NCKAP5: variants seen among roughly 807,000 people sequenced by gnomAD.
NCKAP5 encodes the protein nck-associated protein 5.
A neutral mutation model predicts 167.0 loss-of-function variants in NCKAP5; 92 were observed. The observed-to-expected ratio is 0.55, with a 90% CI of 0.47 to 0.66. The LOEUF (loss-of-function observed/expected upper bound fraction) is 0.66, where lower values mean the gene tolerates loss of function less well. Ranked by LOEUF, NCKAP5 falls within the 30% of genes least tolerant of loss-of-function variation. The pLI, the probability that NCKAP5 is intolerant of heterozygous loss-of-function variation, is 0.00. For missense variants in NCKAP5, 2,378 were observed against 2,315.0 expected (o/e 1.03, Z -0.56); for synonymous variants, 891 against 877.4 (o/e 1.02, Z -0.27).
chr2:133,045,089 G>A (rs549997207), intron 6 of NCKAP5, among the ~76,000 whole-genome samples: 1 of 151,436 alleles, frequency 6.6e-6, no homozygotes, highest in South Asian at 2.1e-4. Context: ...GAAAAAAAAA[G>A]AGGAGAGATA....
intron 5 of NCKAP5, among the ~76,000 whole-genome samples, chr2:133,191,288 G>T (rs868808365): frequency 8.4e-4 from 128 of 152,292 alleles, no homozygotes; most frequent in African/African-American, 2.8e-3. Flanking sequence ...TGCTGGAGAG[G>T]ATGTGGAGAA....
In NCKAP5 at chr2:132,695,033, A is replaced by G. The variant is rs1037128182; in HGVS notation, c.5714-21728T>C. 1.8e-4 allele frequency among the ~76,000 whole-genome samples: 27 copies of G among 152,300 alleles called. No homozygotes were observed. In the South Asian group the frequency reaches 2.9e-3, roughly 16 times the overall value. ...ACCTGCCTTCTGGCTATGTCTTCAC[A>G]TGGTAGAAGGAAGGAGTGAATGAGC... On this transcript the variant is annotated intron_variant, in intron 19 of 19. Transcript: ENST00000409261.
chr2:133,667,049 G>A, the NCKAP5 span, among the ~76,000 whole-genome samples: 1 of 152,008 alleles, frequency 6.6e-6, no homozygotes, highest in African/African-American at 2.4e-5. Flanking sequence ...CTTCTTCATA[G>A]TTTCTTGAAA....
chr2:133,074,121 G>T (rs2080513851), intron 6 of NCKAP5, among the ~76,000 whole-genome samples: 1 of 152,138 alleles, frequency 6.6e-6, no homozygotes, highest in Non-Finnish European at 1.5e-5. Flanking sequence ...CTCAGTTTGT[G>T]TGTATTCCTT....
At chr2:132,848,841 T>A (rs768255091) in intron 11 of NCKAP5, among the ~76,000 whole-genome samples, 2 of 152,000 alleles carry the variant, frequency 1.3e-5, no homozygotes, top group Admixed American at 6.6e-5. Context: ...CTCCAAAAGA[T>A]ACAATAAAAT....
chr2:133,238,813 C>A (rs1426338849), intron 4 of NCKAP5, among the ~76,000 whole-genome samples: 3 of 152,190 alleles, frequency 2.0e-5, no homozygotes, highest in Admixed American at 6.5e-5. Context: ...CTTCCAGTTC[C>A]TCTACCACAT....
intron 3 of NCKAP5, among the ~76,000 whole-genome samples, chr2:133,356,237 T>TTAAGAAGTGAAA: frequency 6.6e-6 from 1 of 152,182 alleles, no homozygotes; most frequent in Non-Finnish European, 1.5e-5. Context: ...AGAAGCAGTG[T>TTAAGAAGTGAAA]TCTTATATCT....
At chr2:133,647,797 G>C in the NCKAP5 span, among the ~76,000 whole-genome samples, 6 of 151,476 alleles carry the variant, frequency 4.0e-5, no homozygotes, top group African/African-American at 1.5e-4. Context: ...AAGAAAAAAG[G>C]GAGAGAACGG....
At chr2:133,418,844 G>A (rs1689289703) in intron 3 of NCKAP5, among the ~76,000 whole-genome samples, 1 of 152,126 alleles carries the variant, frequency 6.6e-6, no homozygotes, top group African/African-American at 2.4e-5. Flanking sequence ...ATAAACCTCA[G>A]TGTTTCAACA....
intron 2 of NCKAP5, among the ~76,000 whole-genome samples, chr2:133,538,905 T>G (rs114887715): frequency 0.27 from 39,215 of 147,066 alleles, 5,953 homozygotes; most frequent in East Asian, 0.37. Context: ...TAGTTTTTTT[T>G]TGGTTTTTTT....
the NCKAP5 span, among the ~76,000 whole-genome samples, chr2:133,593,999 C>T: frequency 6.6e-6 from 1 of 152,216 alleles, no homozygotes; most frequent in Non-Finnish European, 1.5e-5. Flanking sequence ...CCTAGAGAGA[C>T]ACAGTGATAA....
chr2:133,380,323 C>T (rs574598590), intron 3 of NCKAP5, among the ~76,000 whole-genome samples: 2 of 151,956 alleles, frequency 1.3e-5, no homozygotes, highest in Admixed American at 1.3e-4. Context: ...TTACAGTGAG[C>T]AATTTTTTTT....
chr2:133,246,370 C>T (rs17744220), intron 4 of NCKAP5, among the ~76,000 whole-genome samples: 7,208 of 152,054 alleles, frequency 0.047, 259 homozygotes, highest in South Asian at 0.095. Context: ...CTTTTTCAAA[C>T]TGTAGGTCAC....
chr2:133,000,176 T>G (rs2077732294), intron 6 of NCKAP5, among the ~76,000 whole-genome samples: 1 of 152,190 alleles, frequency 6.6e-6, no homozygotes, highest in African/African-American at 2.4e-5. Context: ...CTGCTGAAAC[T>G]TGCAAATTGC....
chr2:133,594,082 A>G, the NCKAP5 span, among the ~76,000 whole-genome samples: 10 of 152,094 alleles, frequency 6.6e-5, no homozygotes, highest in African/African-American at 2.2e-4. Context: ...CTTCCTCCAA[A>G]ATTTCCTTCA....
chr2:133,015,181 C>CT lies in NCKAP5; in HGVS notation c.342-20943dup, dbSNP rs921154893. ...GGTAAGAATGCTACATAAATTATCT[C>CT]TTTTTTTTTCTTATCACAGCTCAAT... On this transcript the variant is annotated intron_variant, in intron 6 of 19. Transcript: ENST00000409261. Among the ~76,000 whole-genome samples, 102 of 151,632 alleles carry CT rather than the reference C, an allele frequency of 6.7e-4. No individual in the cohort carries two copies. The South Asian group carries it at 0.01, about 15-fold the overall frequency.
intron 5 of NCKAP5, among the ~76,000 whole-genome samples, chr2:133,196,369 T>C (rs957345168): frequency 6.6e-6 from 1 of 152,032 alleles, no homozygotes; most frequent in African/African-American, 2.4e-5. Flanking sequence ...TAAGAGAGAA[T>C]TACCCTCAGG....
chr2:133,358,993 T>C (rs765049846), intron 3 of NCKAP5, among the ~76,000 whole-genome samples: 3 of 152,240 alleles, frequency 2.0e-5, no homozygotes, highest in Admixed American at 6.5e-5. Context: ...ACTTAAGAGC[T>C]CAAGCAAGTT....
At chr2:133,408,243 C>T (rs975895538) in intron 3 of NCKAP5, among the ~76,000 whole-genome samples, 3 of 152,180 alleles carry the variant, frequency 2.0e-5, no homozygotes, top group African/African-American at 4.8e-5. Context: ...GTCCTCAAGG[C>T]GTGTGGCACA....
Sources: gnomAD v4.1 joint callset for allele counts (sites outside exome capture counted in the v4.1 genomes callset) on GRCh38, gnomAD v4.1.1 for gene constraint, MANE v1.5 for transcripts, NCBI Gene and HGNC (gene_info 2026-07-23, HGNC 2026-07-21) for gene names.